C7orf33: variants seen among roughly 807,000 people sequenced by gnomAD.
C7orf33 encodes the protein chromosome 7 open reading frame 33.
In C7orf33, 15 loss-of-function variants were observed where a neutral mutation model predicts 13.4. The ratio of observed to expected loss-of-function variants is 1.12; its 90% CI spans 0.75 to 1.72. The LOEUF (loss-of-function observed/expected upper bound fraction) is 1.72. C7orf33 is among the 40% of genes most tolerant of loss of function. The pLI is 0.00. For missense variants in C7orf33, 187 were observed against 220.3 expected (o/e 0.85, Z 0.96); for synonymous variants, 73 against 83.2 (o/e 0.88, Z 0.67).
chr7:148,590,992 G>A lies in C7orf33; in HGVS notation c.67G>A (p.Glu23Lys). ...CTGGAGACTTCCAGGCCCCCAATGT[G>A]AATGTGAAGCCCTCCTGCCCAGTGG... ...CPWRLPGPQC[E>K]CEALLPSGAR... The change falls in exon 1 of 3, where the codon GAA (glutamate) becomes AAA (lysine). Residue 23 changes from glutamate (E) to lysine (K), a missense_variant. By Grantham distance (56) the Glu-to-Lys change is moderately conservative (BLOSUM62 1). Coordinates refer to ENST00000307003, the MANE Select transcript of C7orf33 (RefSeq NM_145304.4). 1.2e-6 allele frequency: 2 copies of A among 1,614,212 alleles called. No individual in the cohort carries two copies. The highest frequency in any genetic ancestry group is 1.7e-6 in the Non-Finnish European group (2 of 1,180,040).
chr7:148,595,459 C>CA (rs1796322069), intron 1 of C7orf33, among the ~76,000 whole-genome samples: 1 of 120,836 alleles, frequency 8.3e-6, no homozygotes. Flanking sequence ...TATTATATAG[C>CA]TATATATATG....
intron 1 of C7orf33, among the ~76,000 whole-genome samples, chr7:148,598,775 G>T (rs1373468430): frequency 7.8e-3 from 600 of 76,440 alleles, no homozygotes; most frequent in Middle Eastern, 0.012. Context: ...GAGAGAGAGA[G>T]AGAGAGAGAG....
chr7:148,605,641 A>G (rs930557487), intron 1 of C7orf33, among the ~76,000 whole-genome samples: 2 of 152,118 alleles, frequency 1.3e-5, no homozygotes, highest in Admixed American at 6.5e-5. Context: ...GGCCCATCTC[A>G]TATTCACCAG....
intron 1 of C7orf33, among the ~76,000 whole-genome samples, chr7:148,610,153 G>A (rs1796520353): frequency 6.6e-6 from 1 of 152,180 alleles, no homozygotes; most frequent in Admixed American, 6.5e-5. Flanking sequence ...TCACTTTGTG[G>A]GAAGTTTGAT....
chr7:148,610,168 AAGTAAGACTTCTGTGATGGTT>A (rs1796520597), intron 1 of C7orf33, among the ~76,000 whole-genome samples: 1 of 152,218 alleles, frequency 6.6e-6, no homozygotes, highest in South Asian at 2.1e-4. Flanking sequence ...TTTGATCCAC[AAGTAAGACTTCTGTGATGGTT>A]AATTCTGTCG....
intron 1 of C7orf33, among the ~76,000 whole-genome samples, chr7:148,612,443 T>C (rs1268236265): frequency 6.6e-6 from 1 of 152,224 alleles, no homozygotes; most frequent in East Asian, 1.9e-4. Context: ...CTATAAAATG[T>C]ATTATCGACA....
At position 148,615,482 on chromosome 7, in the gene C7orf33, G is replaced by A. The variant is rs979466336; in HGVS notation, c.*81G>A. 1.9e-5 allele frequency: 17 copies of A among 917,490 alleles called. No individual in the cohort carries two copies. The African/African-American group carries it at 2.0e-4, about 11-fold the overall frequency. The allele number at this position is 917,490 out of a possible 1,614,324, so 56.8% of individuals were successfully genotyped here. On this transcript the variant is annotated 3_prime_UTR_variant, in exon 3 of 3. Coordinates refer to ENST00000307003, the MANE Select transcript of C7orf33 (RefSeq NM_145304.4). Reference sequence around the variant, plus strand: ...CTTCTTGCAAGAAAAAAGAGAAATAGCTGAAGTTCTGGAAATAACAGTTGA... The same window carrying A: ...CTTCTTGCAAGAAAAAAGAGAAATAACTGAAGTTCTGGAAATAACAGTTGA...
intron 1 of C7orf33, 117 bp downstream of exon 1, chr7:148,591,246 G>A (rs1368545805): frequency 1.1e-6 from 1 of 874,868 alleles, no homozygotes; most frequent in Non-Finnish European, 1.8e-6. Context: ...TATGGAACTG[G>A]GCTTAACGAC....
In C7orf33 at chr7:148,593,504, A is replaced by T. The variant is rs545385261; in HGVS notation, c.204+2375A>T. On this transcript the variant is annotated intron_variant, in intron 1 of 2. Coordinates refer to ENST00000307003, the MANE Select transcript of C7orf33 (RefSeq NM_145304.4). Reference sequence around the variant, plus strand: ...GGTCTCGAACTCCTGACCTCAAATCATCTGCTTGCCTCAGCCTCCCAAAGT... The same window carrying T: ...GGTCTCGAACTCCTGACCTCAAATCTTCTGCTTGCCTCAGCCTCCCAAAGT... 5.9e-5 allele frequency among the ~76,000 whole-genome samples: 9 copies of T among 152,146 alleles called. No homozygotes were observed. The East Asian group carries it at 1.7e-3, about 30-fold the overall frequency.
chr7:148,613,234 A>G (rs1200890107), intron 1 of C7orf33, among the ~76,000 whole-genome samples: 1 of 152,222 alleles, frequency 6.6e-6, no homozygotes, highest in African/African-American at 2.4e-5. Context: ...CCACATATAA[A>G]GGGAACATGT....
chr7:148,591,018 G>A lies in C7orf33; in HGVS notation c.93G>A (p.Gly31=), dbSNP rs1343610330. ...AATGTGAAGCCCTCCTGCCCAGTGG[G>A]GCAAGGCGCCGGATTGACCTTCGCC... ...QCECEALLPS[G]ARRRIDLRLS... Residue 31 remains glycine, a synonymous_variant, in exon 1 of 3, where the codon GGG becomes GGA. Coordinates refer to ENST00000307003, the MANE Select transcript of C7orf33 (RefSeq NM_145304.4). 13 of 1,614,076 alleles carry A rather than the reference G, an allele frequency of 8.1e-6. No individual in the cohort carries two copies. Among genetic ancestry groups the A allele is most frequent in the African/African-American group, 1.3e-5 (1 of 74,932 alleles).
intron 1 of C7orf33, among the ~76,000 whole-genome samples, chr7:148,592,020 G>A (rs563961946): frequency 2.6e-5 from 4 of 152,272 alleles, no homozygotes; most frequent in Admixed American, 2.6e-4. Flanking sequence ...GGAACCACAG[G>A]TGTCCCCACC....
intron 1 of C7orf33, among the ~76,000 whole-genome samples, chr7:148,595,344 A>C (rs140282504): frequency 0.052 from 7,114 of 138,014 alleles, 375 homozygotes; most frequent in African/African-American, 0.13. Context: ...ATATAGATCT[A>C]TATTATATAG....
At chr7:148,592,688 T>C (rs756477759) in intron 1 of C7orf33, among the ~76,000 whole-genome samples, 1 of 152,014 alleles carries the variant, frequency 6.6e-6, no homozygotes, top group Non-Finnish European at 1.5e-5. Flanking sequence ...CTAATTTTTG[T>C]ATTTTTAGTA....
Position 148,615,370 on chromosome 7 carries a change from C to A in C7orf33, c.503C>A (p.Ala168Asp). 3 of 1,613,316 alleles carry A rather than the reference C, an allele frequency of 1.9e-6. No individual in the cohort carries two copies. Among genetic ancestry groups the A allele is most frequent in the Non-Finnish European group, 1.7e-6 (2 of 1,179,332 alleles). The change falls in exon 3 of 3, where the codon GCC (alanine) becomes GAC (aspartate). Residue 168 changes from alanine (A) to aspartate (D), a missense_variant. Coordinates refer to ENST00000307003, the MANE Select transcript of C7orf33 (RefSeq NM_145304.4). The part of the protein sequence containing the change: ...EVRKLQNSVE[A>D]TRISRTDSS The stretch of plus-strand genomic sequence containing the variant: ...AGAAAGCTCCAGAATTCTGTTGAGG[C>A]CACAAGGATTTCCAGAACTGACAGC...
At chr7:148,611,709 T>G (rs1796545629) in intron 1 of C7orf33, among the ~76,000 whole-genome samples, 1 of 152,222 alleles carries the variant, frequency 6.6e-6, no homozygotes, top group East Asian at 1.9e-4. Context: ...GAGGGTCCAT[T>G]GAGCTGATTA....
chr7:148,605,997 C>T (rs148953880), intron 1 of C7orf33, among the ~76,000 whole-genome samples: 100 of 152,232 alleles, frequency 6.6e-4, no homozygotes, highest in African/African-American at 2.3e-3. Flanking sequence ...GGCCTGAGAA[C>T]GAGGCTTAAA....
At chr7:148,603,913 G>T (rs936585061) in intron 1 of C7orf33, among the ~76,000 whole-genome samples, 1 of 152,028 alleles carries the variant, frequency 6.6e-6, no homozygotes, top group African/African-American at 2.4e-5. Context: ...CAGAGGAAAA[G>T]AAGTCATTAT....
At chr7:148,606,675 C>T (rs1475453007) in intron 1 of C7orf33, among the ~76,000 whole-genome samples, 1 of 152,202 alleles carries the variant, frequency 6.6e-6, no homozygotes, top group Non-Finnish European at 1.5e-5. Context: ...CAACCTCCAC[C>T]TCCCAGGTTC....
Sources: allele counts gnomAD v4.1 joint callset (sites outside exome capture counted in the v4.1 genomes callset), GRCh38; gene constraint gnomAD v4.1.1; transcripts MANE v1.5; gene names NCBI Gene and HGNC (gene_info 2026-07-23, HGNC 2026-07-21).